The following TMPO variants were observed in gnomAD, a reference collection of about 807,000 sequenced individuals.
TMPO encodes the protein thymopoietin, also known as LEM domain containing 4.
TMPO carries 22 observed loss-of-function variants against 45.4 expected under a neutral mutation model. The observed-to-expected ratio is 0.48, with a 90% CI of 0.35 to 0.69. The LOEUF (loss-of-function observed/expected upper bound fraction) is 0.69. Ranked by LOEUF, TMPO falls within the 30% of genes least tolerant of loss-of-function variation. TMPO has a pLI of 0.01. For missense variants in TMPO, 512 were observed against 548.8 expected, an observed-to-expected ratio of 0.93 and a Z score of 0.67; for synonymous variants, 241 against 204.1, an observed-to-expected ratio of 1.18 and a Z score of -1.54.
chr12:98,526,958 A>G (rs1449049217), intron 1 of TMPO, among the ~76,000 whole-genome samples: 2 of 96,164 alleles, frequency 2.1e-5, no homozygotes, highest in African/African-American at 7.9e-5. Context: ...CTCCACCTCC[A>G]AAAAAAAAAG....
rs140084578 is a variant in TMPO at position 98,519,684 on chromosome 12, C to A, written c.279+3538C>A. On this transcript the variant is annotated intron_variant, in intron 1 of 8. Transcript: ENST00000556029. ...CCCTTGACTGAGCTTAATAGCCATG[C>A]CAACAACTTGAAGAAAAATATTGGT... Among the ~76,000 whole-genome samples the A allele has an allele frequency of 4.9e-4, 75 of 152,218 alleles. 3 individuals are homozygous for A. In the East Asian group the frequency reaches 0.014, roughly 29 times the overall value.
At chr12:98,538,952 G>A (rs1877735459) in intron 4 of TMPO, among the ~76,000 whole-genome samples, 1 of 152,016 alleles carries the variant, frequency 6.6e-6, no homozygotes, top group African/African-American at 2.4e-5. Flanking sequence ...TGTAATCCCA[G>A]CACTTTGGGA....
chr12:98,546,299 T>C, intron 7 of TMPO, 60 bp from the exon 8 acceptor site: 2 of 1,098,892 alleles, frequency 1.8e-6, no homozygotes, highest in Non-Finnish European at 1.4e-6. Flanking sequence ...TATGTTTTAA[T>C]TATTGCATGT....
At chr12:98,534,415 GTTGT>G (rs1465074749) in intron 3 of TMPO, 5 of 1,596,846 alleles carry the variant, frequency 3.1e-6, no homozygotes, top group Non-Finnish European at 4.2e-6. Context: ...TTCTGTTAAG[GTTGT>G]TTTAGTTTCC....
chr12:98,539,228 A>AATAC (rs1877763356), intron 4 of TMPO, among the ~76,000 whole-genome samples: 1 of 151,778 alleles, frequency 6.6e-6, no homozygotes, highest in Non-Finnish European at 1.5e-5. Flanking sequence ...TAAATAAATA[A>AATAC]TAAAGATGGT....
At chr12:98,529,493 AT>A (rs1877031263) in intron 2 of TMPO, among the ~76,000 whole-genome samples, 1 of 152,166 alleles carries the variant, frequency 6.6e-6, no homozygotes, top group Non-Finnish European at 1.5e-5. Flanking sequence ...GGTGATGAAG[AT>A]TTTGCAGTGT....
chr12:98,527,823 G>T, intron 1 of TMPO, 63 bp from the exon 2 acceptor site: 1 of 1,591,078 alleles, frequency 6.3e-7, no homozygotes, highest in Non-Finnish European at 8.6e-7. Context: ...TGTTATACAG[G>T]TTATTATCTA....
At position 98,515,836 on chromosome 12, in the gene TMPO, G is replaced by T. The variant is rs1875739355; in HGVS notation, c.-32G>T. On this transcript the variant is annotated 5_prime_UTR_variant, in exon 1 of 9. Transcript: ENST00000556029. Reference sequence around the variant, plus strand: ...GCCGGCGTGAGCGGCGGCGGCAAAGGCTGTGGGGAGGGGGCTTCGCAGATC... The same window carrying T: ...GCCGGCGTGAGCGGCGGCGGCAAAGTCTGTGGGGAGGGGGCTTCGCAGATC... 2 of 1,597,188 alleles carry T rather than the reference G, an allele frequency of 1.3e-6. No individual in the cohort carries two copies. Among genetic ancestry groups the T allele is most frequent in the African/African-American group, 1.3e-5 (1 of 74,278 alleles).
chr12:98,527,335 C>CAAAAA (rs374742173), intron 1 of TMPO, among the ~76,000 whole-genome samples: 2 of 93,572 alleles, frequency 2.1e-5, no homozygotes, highest in East Asian at 3.7e-4. Context: ...CCCATCTCTA[C>CAAAAA]AAAAAAAAAA....
In TMPO at chr12:98,537,519, G is replaced by C; in HGVS notation, c.610G>C (p.Gly204Arg). The change falls in exon 4 of 9, where the codon GGC becomes CGC. Residue 204 changes from glycine (G) to arginine (R), a missense_variant. Physicochemically the swap from Gly to Arg is moderately radical, Grantham distance 125. This residue lies in a region of TMPO where 299 missense variants were observed against 296.7 expected (regional missense o/e 1.01). Transcript: ENST00000556029. ...GCTTGAGAAGAGAGAACCACTAAAGGGCAGAGCAAAGACTCCAGTAACACT... is the reference window on the plus strand; with the variant it reads ...GCTTGAGAAGAGAGAACCACTAAAGCGCAGAGCAAAGACTCCAGTAACACT... ...LKLEKREPLK[G>R]RAKTPVTLKQ... 6.2e-7 allele frequency: 1 copy of C among 1,613,588 alleles called. No individual in the cohort carries two copies. Among genetic ancestry groups the C allele is most frequent in the Non-Finnish European group, 8.5e-7 (1 of 1,179,786 alleles).
Position 98,515,726 on chromosome 12 carries a change from T to G in TMPO, c.-142T>G. On this transcript the variant is annotated 5_prime_UTR_variant, in exon 1 of 9. Coordinates refer to ENST00000556029, the MANE Select transcript of TMPO (RefSeq NM_001032283.3). ...CTGGCTTGGCTTTGTGTCCGCGAGT[T>G]TTTGTTCCGCTCCGCAGCGCTCTTC... The G allele has an allele frequency of 1.3e-6, 2 of 1,515,804 alleles. No individual in the cohort carries two copies. The highest frequency in any genetic ancestry group is 8.8e-7 in the Non-Finnish European group (1 of 1,130,366). The allele number at this position is 1,515,804 out of a possible 1,614,324, so 93.9% of individuals were successfully genotyped here.
At chr12:98,526,654 T>C (rs1246798425) in intron 1 of TMPO, among the ~76,000 whole-genome samples, 5 of 152,182 alleles carry the variant, frequency 3.3e-5, no homozygotes, top group Non-Finnish European at 5.9e-5. Flanking sequence ...AGTTCTCATA[T>C]GCTGTTTAAA....
intron 3 of TMPO, among the ~76,000 whole-genome samples, chr12:98,535,876 T>C (rs1342173635): frequency 2.0e-5 from 3 of 152,216 alleles, no homozygotes; most frequent in Non-Finnish European, 4.4e-5. Context: ...AGATACCTTA[T>C]TCGTTTAACC....
intron 4 of TMPO, among the ~76,000 whole-genome samples, chr12:98,543,031 A>G (rs1878014712): frequency 6.6e-6 from 1 of 152,288 alleles, no homozygotes; most frequent in Middle Eastern, 3.4e-3. Context: ...ATCAATTCCA[A>G]ATATAGATAA....
At chr12:98,519,722 T>A (rs1876185170) in intron 1 of TMPO, among the ~76,000 whole-genome samples, 1 of 152,136 alleles carries the variant, frequency 6.6e-6, no homozygotes, top group Non-Finnish European at 1.5e-5. Flanking sequence ...TCAGCGTCAT[T>A]TTCTGTTTTA....
intron 1 of TMPO, 43 bp downstream of exon 1, chr12:98,516,189 G>T (rs754022870): frequency 1.5e-6 from 2 of 1,322,162 alleles, no homozygotes; most frequent in Non-Finnish European, 1.9e-6. Flanking sequence ...GCGTTTGGCG[G>T]TTGCCGCGCG....
intron 2 of TMPO, among the ~76,000 whole-genome samples, chr12:98,529,705 C>T (rs1045524659): frequency 1.1e-4 from 17 of 152,164 alleles, no homozygotes; most frequent in South Asian, 2.1e-4. Flanking sequence ...AACACAGGCA[C>T]GTGCCACCAT....
chr12:98,533,290 T>C lies in TMPO; in HGVS notation c.565+1452T>C, dbSNP rs778934309. 6 of 1,613,644 alleles carry C rather than the reference T, an allele frequency of 3.7e-6. No homozygotes were observed. In the African/African-American group the frequency reaches 8.0e-5, roughly 22 times the overall value. On this transcript the variant is annotated intron_variant, in intron 3 of 8. Coordinates refer to ENST00000556029, the MANE Select transcript of TMPO (RefSeq NM_001032283.3). The stretch of plus-strand genomic sequence containing the variant: ...AATTCAACCATTATGTCCTGAGAGG[T>C]CCCATATTTCAGATCAATCGCCTCT...
chr12:98,536,105 C>G (rs1047886253), intron 3 of TMPO, among the ~76,000 whole-genome samples: 2 of 152,074 alleles, frequency 1.3e-5, no homozygotes, highest in Non-Finnish European at 2.9e-5. Context: ...AATCACTGTT[C>G]GTTTTTGGGA....
Sources: gnomAD v4.1 joint callset for allele counts (sites outside exome capture counted in the v4.1 genomes callset) on GRCh38, gnomAD v4.1.1 for gene constraint, gnomAD v4.1.1 regional missense constraint, MANE v1.5 for transcripts, NCBI Gene and HGNC (gene_info 2026-07-23, HGNC 2026-07-21) for gene names.